The following CYP11A1 variants were observed in gnomAD, a reference collection of about 807,000 sequenced individuals.
The protein encoded by CYP11A1 is cholesterol side-chain cleavage enzyme, mitochondrial.
CYP11A1 carries 25 observed loss-of-function variants against 51.9 expected under a neutral mutation model. The observed-to-expected ratio is 0.48, with a 90% confidence interval of 0.35 to 0.67. CYP11A1 has a LOEUF of 0.67. Ranked by LOEUF, CYP11A1 falls within the 30% of genes least tolerant of loss-of-function variation. The pLI, the probability that CYP11A1 is intolerant of heterozygous loss-of-function variation, is 0.00. For synonymous variants in CYP11A1, 245 were observed against 262.1 expected, an observed-to-expected ratio of 0.93 and a Z score of 0.63; for missense variants, 578 against 680.9, an observed-to-expected ratio of 0.85 and a Z score of 1.68.
intron 1 of CYP11A1, chr15:74,361,443 G>A: frequency 2.8e-6 from 1 of 360,812 alleles, no homozygotes; most frequent in South Asian, 3.2e-5. Context: ...TACATATCAA[G>A]AAAAGACTTT....
rs542099279 is a variant in CYP11A1, at chr15:74,344,272, G to A, written c.626-280C>T. On this transcript the variant is annotated intron_variant, in intron 3 of 8. Transcript: ENST00000268053. ...TCCAGCAGAGCTGAGAGAGGGCCTA[G>A]CCCAGGATGCAACTGCTCTGCCCAG... Among the ~76,000 whole-genome samples, 3 of 152,322 alleles carry A rather than the reference G, an allele frequency of 2.0e-5. No individual in the cohort carries two copies. The South Asian group carries it at 6.2e-4, about 32-fold the overall frequency.
At chr15:74,350,003 A>G (rs1373755769) in intron 1 of CYP11A1, among the ~76,000 whole-genome samples, 1 of 152,196 alleles carries the variant, frequency 6.6e-6, no homozygotes, top group African/African-American at 2.4e-5. Flanking sequence ...GAAGATATAA[A>G]TAAACGAAAC....
In CYP11A1 at chr15:74,345,034, GC is replaced by G; in HGVS notation, c.625+9del. 3 of 1,613,420 alleles carry G rather than the reference GC, an allele frequency of 1.9e-6. No homozygotes were observed. The highest frequency in any genetic ancestry group is 2.5e-6 in the Non-Finnish European group (3 of 1,179,396). ...CATGCCCACTGCCAGCCAGGTGCAA[GC>G]CCCCTTACACTCAAAGGCAAAGCGG... On this transcript the variant is annotated intron_variant, in intron 3 of 8. Coordinates refer to ENST00000268053, the MANE Select transcript of CYP11A1 (RefSeq NM_000781.3). This position sits in a 1 kb window ranked among gnomAD's most constrained non-coding sequence, Gnocchi z 4.3.
chr15:74,343,875 A>G lies in CYP11A1; in HGVS notation c.743T>C (p.Leu248Pro), dbSNP rs1461423064. 6.2e-7 allele frequency: 1 copy of G among 1,613,894 alleles called. No homozygotes were observed. The highest frequency in any genetic ancestry group is 8.5e-7 in the Non-Finnish European group (1 of 1,180,046). The change falls in exon 4 of 9, where the codon CTC (leucine) becomes CCC (proline). Residue 248 changes from leucine to proline, a missense_variant. Physicochemically the swap from Leu to Pro is moderately conservative, Grantham distance 98. Coordinates refer to ENST00000268053, the MANE Select transcript of CYP11A1 (RefSeq NM_000781.3). ...ACGGAACAGGTCTGGGGGAAGGTTGAGCATGGGGACGCTGGTGTGGAACAT... is the reference window on the plus strand; with the variant it reads ...ACGGAACAGGTCTGGGGGAAGGTTGGGCATGGGGACGCTGGTGTGGAACAT... ...YQMFHTSVPM[L>P]NLPPDLFRLF...
At chr15:74,365,335 C>T (rs1219709501) in intron 1 of CYP11A1, 4 of 151,540 alleles carry the variant, frequency 2.6e-5, no homozygotes, top group Non-Finnish European at 1.5e-5. Context: ...AAAGGCCTTT[C>T]CTCCTAGCAG....
At chr15:74,352,995 G>A (rs1418521204) in intron 1 of CYP11A1, among the ~76,000 whole-genome samples, 1 of 152,158 alleles carries the variant, frequency 6.6e-6, no homozygotes, top group African/African-American at 2.4e-5. Flanking sequence ...TTGTGGAATT[G>A]TTCTTATCTA....
At chr15:74,360,780 G>C (rs2060704887) in intron 1 of CYP11A1, among the ~76,000 whole-genome samples, 1 of 152,118 alleles carries the variant, frequency 6.6e-6, no homozygotes, top group Admixed American at 6.5e-5. Flanking sequence ...GTGCCTGCCT[G>C]TAATCCCAGC....
At chr15:74,342,805 GACCCCACCATC>G (rs1230918412) in intron 5 of CYP11A1, among the ~76,000 whole-genome samples, 161 bp downstream of exon 5, 2 of 152,202 alleles carry the variant, frequency 1.3e-5, no homozygotes, top group Non-Finnish European at 2.9e-5. Flanking sequence ...ACTTGACTTT[GACCCCACCATC>G]TTAGGAGATT....
rs778995024 is a variant in CYP11A1 at position 74,338,801 on chromosome 15, C to G, written c.1237-33G>C. 1.1e-5 allele frequency: 18 copies of G among 1,593,176 alleles called. No homozygotes were observed. The African/African-American group carries it at 2.3e-4, about 20-fold the overall frequency. ...AAGGTGATCAGAGGCCTGAGTAAGC[C>G]CCACTTCCCCACAGCCCTGAGCACA... On this transcript the variant is annotated intron_variant, in intron 7 of 8. Coordinates refer to ENST00000268053, the MANE Select transcript of CYP11A1 (RefSeq NM_000781.3).
intron 5 of CYP11A1, 22 bp downstream of exon 5, chr15:74,342,955 G>A (rs767082469): frequency 1.2e-6 from 2 of 1,611,828 alleles, no homozygotes; most frequent in Non-Finnish European, 1.7e-6. Flanking sequence ...GCAACAAGGT[G>A]CCGCCCCTAC....
At chr15:74,365,198 C>T (rs904486985) in intron 1 of CYP11A1, among the ~76,000 whole-genome samples, 7 of 152,018 alleles carry the variant, frequency 4.6e-5, no homozygotes, top group African/African-American at 1.7e-4. Flanking sequence ...CCCTCTCAAC[C>T]GGACTCTTAG....
chr15:74,355,643 CA>C (rs2060675933), intron 1 of CYP11A1, among the ~76,000 whole-genome samples: 1 of 152,168 alleles, frequency 6.6e-6, no homozygotes, highest in Non-Finnish European at 1.5e-5. Flanking sequence ...ATCCTTCTAT[CA>C]CCCCCTCTCC....
chr15:74,337,771 G>C lies in CYP11A1; in HGVS notation c.*201C>G, dbSNP rs549658330. 6.9e-5 allele frequency: 46 copies of C among 665,034 alleles called. No individual in the cohort carries two copies. In the South Asian group the frequency reaches 7.6e-4, roughly 11 times the overall value. The allele number at this position is 665,034 out of a possible 1,614,324, so 41.2% of individuals were successfully genotyped here. A position where few individuals can be genotyped will look rare whatever the true frequency, so the allele number is the denominator to read the frequency against. ...GGAACGCAAGACACCACATGGTTCA[G>C]CTGTTTATTGTCTCCATGGGGTGGG... On this transcript the variant is annotated 3_prime_UTR_variant, in exon 9 of 9. Coordinates refer to ENST00000268053, the MANE Select transcript of CYP11A1 (RefSeq NM_000781.3).
intron 1 of CYP11A1, among the ~76,000 whole-genome samples, chr15:74,353,219 G>A (rs1258422715): frequency 6.6e-6 from 1 of 152,200 alleles, no homozygotes; most frequent in Non-Finnish European, 1.5e-5. Context: ...GGTTATTTAT[G>A]AAACAATGTA....
chr15:74,358,005 A>C (rs1341769692), intron 1 of CYP11A1, among the ~76,000 whole-genome samples: 3 of 152,140 alleles, frequency 2.0e-5, no homozygotes, highest in Non-Finnish European at 4.4e-5. Context: ...ATTTATACTG[A>C]CTCTAAAGAT....
At chr15:74,367,192 A>T in intron 1 of CYP11A1, 125 bp downstream of exon 1, 1 of 998,838 alleles carries the variant, frequency 1.0e-6, no homozygotes, top group Non-Finnish European at 1.5e-6. Flanking sequence ...AAAAAAAAAA[A>T]AAAAGAAGTT....
intron 1 of CYP11A1, among the ~76,000 whole-genome samples, chr15:74,359,223 C>T (rs2060695664): frequency 6.6e-6 from 1 of 152,198 alleles, no homozygotes; most frequent in Non-Finnish European, 1.5e-5. Context: ...CTTCCTTTGG[C>T]TTAATCTCTC....
At chr15:74,359,781 G>A (rs549078476) in intron 1 of CYP11A1, among the ~76,000 whole-genome samples, 4 of 152,174 alleles carry the variant, frequency 2.6e-5, no homozygotes, top group African/African-American at 9.7e-5. Flanking sequence ...AGGGACACGC[G>A]TGAAAGAGAG....
At position 74,347,428 on chromosome 15, in the gene CYP11A1, A is replaced by G. The variant is rs535994404; in HGVS notation, c.425+472T>C. ...ATCTCAAAATAAAAAAAAATTTATG[A>G]ACAATTTCGTAGAAAACAGTATCCA... On this transcript the variant is annotated intron_variant, in intron 2 of 8. Coordinates refer to ENST00000268053, the MANE Select transcript of CYP11A1 (RefSeq NM_000781.3). 2.0e-5 allele frequency among the ~76,000 whole-genome samples: 3 copies of G among 152,244 alleles called. No individual in the cohort carries two copies. In the East Asian group the frequency reaches 5.8e-4, roughly 30 times the overall value.
Sources: allele counts gnomAD v4.1 joint callset (sites outside exome capture counted in the v4.1 genomes callset), GRCh38; gene constraint gnomAD v4.1.1; non-coding constraint Gnocchi (gnomAD v3.1); transcripts MANE v1.5; gene names NCBI Gene and HGNC (gene_info 2026-07-23, HGNC 2026-07-21).